The following DPP4 variants were observed in gnomAD, a reference collection of about 807,000 sequenced individuals.
DPP4 encodes dipeptidyl peptidase 4.
DPP4 carries 93 observed loss-of-function variants against 122.4 expected under a neutral mutation model. The observed-to-expected ratio is 0.76, with a 90% confidence interval of 0.64 to 0.90. DPP4 has a LOEUF of 0.90. DPP4 is among the 40% of genes least tolerant of loss of function. The probability of loss-of-function intolerance (pLI) is 0.00; values close to 1 mark genes in which losing one functional copy is unlikely to be tolerated. For synonymous variants in DPP4, 321 were observed against 302.9 expected (o/e 1.06, Z -0.62); for missense variants, 914 against 907.3 (o/e 1.01, Z -0.09).
chr2:162,053,789 C>T (rs1281144544), intron 2 of DPP4, among the ~76,000 whole-genome samples: 1 of 152,244 alleles, frequency 6.6e-6, no homozygotes, highest in Non-Finnish European at 1.5e-5. Context: ...GACATGGCTA[C>T]CTCCACCTAG....
Position 162,020,630 on chromosome 2 carries a change from C to A in DPP4, c.1127G>T (p.Ser376Ile). 6.2e-7 allele frequency: 1 copy of A among 1,612,752 alleles called. No homozygotes were observed. The highest frequency in any genetic ancestry group is 8.5e-7 in the Non-Finnish European group (1 of 1,179,686). ...LDGNSFYKIISNEEGYRHICY... is the reference protein window; with the variant it reads ...LDGNSFYKIIINEEGYRHICY... ...AATGTGTCTGTAACCTTCTTCATTG[C>A]TGATGATCTTGTAGAAGCTATTACC... is the stretch of plus-strand genomic sequence containing the variant. Residue 376 changes from serine (S) to isoleucine (I), a missense_variant, in exon 13 of 26, where the codon AGC (serine) becomes ATC (isoleucine). Transcript: ENST00000360534.
At chr2:161,995,637 A>AC (rs1700982072) in intron 23 of DPP4, among the ~76,000 whole-genome samples, 1 of 152,128 alleles carries the variant, frequency 6.6e-6, no homozygotes, top group African/African-American at 2.4e-5. Flanking sequence ...CTGCATGCAA[A>AC]ACCCCTTGAG....
intron 2 of DPP4, among the ~76,000 whole-genome samples, chr2:162,053,532 G>T (rs1197305148): frequency 6.6e-6 from 1 of 152,232 alleles, no homozygotes; most frequent in Admixed American, 6.5e-5. Context: ...TAGGCCACAG[G>T]TTGGACAAGC....
intron 22 of DPP4, among the ~76,000 whole-genome samples, chr2:162,007,012 A>C (rs777960043): frequency 6.6e-6 from 1 of 152,142 alleles, no homozygotes; most frequent in Non-Finnish European, 1.5e-5. Context: ...TAGTTGCTCC[A>C]TATGCATACT....
Position 161,996,320 on chromosome 2 carries a change from G to A in DPP4, c.2053-948C>T, listed in dbSNP as rs1211741929. On this transcript the variant is annotated intron_variant, in intron 23 of 25. Transcript: ENST00000360534. Reference sequence around the variant, plus strand: ...CTTTGATGGTCCTGTTATGTGTTGGGCAGGAAAGGGGCAGCAGCATCTCCA... The same window carrying A: ...CTTTGATGGTCCTGTTATGTGTTGGACAGGAAAGGGGCAGCAGCATCTCCA... 2.6e-5 allele frequency among the ~76,000 whole-genome samples: 4 copies of A among 152,212 alleles called. No homozygotes were observed. The East Asian group carries it at 7.7e-4, about 29-fold the overall frequency.
Position 162,046,689 on chromosome 2 carries a change from A to T in DPP4, c.285+226T>A, listed in dbSNP as rs553144948. 5.8e-5 allele frequency: 35 copies of T among 601,122 alleles called. 1 individual carries two copies. The highest frequency in any genetic ancestry group is 5.3e-4 in the African/African-American group (29 of 55,104). 37.2% of individuals were successfully genotyped at this position (601,122 alleles called of 1,614,324 possible). The stretch of plus-strand genomic sequence containing the variant: ...GGGAGGCAAATGAAGATGGAGCCCC[A>T]AGGAGCACTTACATTTAAAAATATG... On this transcript the variant is annotated intron_variant, in intron 4 of 25. Transcript: ENST00000360534.
In DPP4 at chr2:162,046,982, T is replaced by C. The variant is rs1684204742; in HGVS notation, c.218A>G (p.Glu73Gly). The C allele has an allele frequency of 6.3e-7, 1 of 1,595,430 alleles. No individual in the cohort carries two copies. The highest frequency in any genetic ancestry group is 8.6e-7 in the Non-Finnish European group (1 of 1,163,750). ...ISDHEYLYKQ[E>G]NNILVFNAEY... is the part of the protein sequence containing the mutation. Reference sequence around the variant, plus strand: ...AGCATTGAATACCAAGATATTATTTTCTTGTTTGTAGAGATATTCATGATC... The same window carrying C: ...AGCATTGAATACCAAGATATTATTTCCTTGTTTGTAGAGATATTCATGATC... The change falls in exon 4 of 26, where the codon GAA becomes GGA. Residue 73 changes from glutamate to glycine, a missense_variant. Transcript: ENST00000360534.
chr2:162,025,023 C>A (rs374172742), intron 10 of DPP4, 84 bp from the exon 11 acceptor site: 2 of 1,452,804 alleles, frequency 1.4e-6, no homozygotes. Context: ...ACATTTTACT[C>A]AGTGAAAAGA....
Position 162,011,894 on chromosome 2 carries a change from GCTAGCTA to G in DPP4, c.1724_1730del (p.Val575AlafsTer59). On this transcript the variant is annotated frameshift_variant, in exon 20 of 26. Coordinates refer to ENST00000360534, the MANE Select transcript of DPP4 (RefSeq NM_001935.4). LOFTEE classifies it high-confidence loss of function. ...GGTAACCACTTCCTCTGCCATCAAA[GCTAGCTA>G]CTATAATGTTTTCTGTGCTTGCAAG... The G allele has an allele frequency of 6.2e-7, 1 of 1,613,764 alleles. No homozygotes were observed. The highest frequency in any genetic ancestry group is 8.5e-7 in the Non-Finnish European group (1 of 1,179,780).
rs1685220749 is a variant in DPP4 at position 162,074,000 on chromosome 2, A to G, written c.-19T>C. 2.5e-6 allele frequency: 4 copies of G among 1,611,294 alleles called. No individual in the cohort carries two copies. Among genetic ancestry groups the G allele is most frequent in the Non-Finnish European group, 3.4e-6 (4 of 1,178,890 alleles). Reference sequence around the variant, plus strand: ...CCTTCATCGTCGGCGTCTCCTCGGAAGTGAGCGTTCAGAGAAGGAGCGCAG... The same window carrying G: ...CCTTCATCGTCGGCGTCTCCTCGGAGGTGAGCGTTCAGAGAAGGAGCGCAG... On this transcript the variant is annotated 5_prime_UTR_variant, in exon 1 of 26. Transcript: ENST00000360534.
At chr2:162,045,764 G>A in intron 4 of DPP4, 152 bp from the exon 5 acceptor site, 1 of 600,182 alleles carries the variant, frequency 1.7e-6, no homozygotes, top group Non-Finnish European at 3.0e-6. Flanking sequence ...CCACACAAAT[G>A]ACCGTGATGC....
At chr2:162,072,447 G>A (rs975036560) in intron 2 of DPP4, among the ~76,000 whole-genome samples, 2 of 152,182 alleles carry the variant, frequency 1.3e-5, no homozygotes, top group Non-Finnish European at 2.9e-5. Context: ...GAATTGCACA[G>A]CAAGCATGGT....
At chr2:162,052,068 C>A (rs78817705) in intron 2 of DPP4, among the ~76,000 whole-genome samples, 5,877 of 151,960 alleles carry the variant, frequency 0.039, 254 homozygotes, top group African/African-American at 0.1. Context: ...ACCCGTAATC[C>A]TAGCACTTGG....
intron 9 of DPP4, among the ~76,000 whole-genome samples, chr2:162,034,494 A>G (rs1425900850): frequency 6.6e-6 from 1 of 152,172 alleles, no homozygotes; most frequent in Admixed American, 6.5e-5. Flanking sequence ...CTTACAGAAA[A>G]AACACTTTAC....
chr2:162,046,732 C>G, intron 4 of DPP4, 183 bp downstream of exon 4: 1 of 658,046 alleles, frequency 1.5e-6, no homozygotes, highest in Non-Finnish European at 2.8e-6. Flanking sequence ...GAAGAGGAAT[C>G]GTCAAAGGAG....
chr2:161,994,133 G>A (rs918341470), intron 25 of DPP4, among the ~76,000 whole-genome samples: 1 of 152,114 alleles, frequency 6.6e-6, no homozygotes, highest in African/African-American at 2.4e-5. Flanking sequence ...TTTAAAAAAA[G>A]CTTAATTAAA....
chr2:162,073,141 C>T, intron 2 of DPP4: 2 of 349,302 alleles, frequency 5.7e-6, no homozygotes, highest in Non-Finnish European at 1.0e-5. Context: ...CCGACTCTCC[C>T]TAATTTCAGG....
At chr2:162,052,126 C>G (rs1559722961) in intron 2 of DPP4, among the ~76,000 whole-genome samples, 1 of 151,932 alleles carries the variant, frequency 6.6e-6, no homozygotes, top group Non-Finnish European at 1.5e-5. Context: ...CGAGACCAGA[C>G]TGACCAACAT....
chr2:162,046,692 G>A (rs1292530498), intron 4 of DPP4: 1 of 605,708 alleles, frequency 1.7e-6, no homozygotes, highest in South Asian at 1.5e-5. Context: ...GAGCCCCAAG[G>A]AGCACTTACA....
Sources: allele counts gnomAD v4.1 joint callset (sites outside exome capture counted in the v4.1 genomes callset), GRCh38; gene constraint gnomAD v4.1.1; transcripts MANE v1.5; gene names NCBI Gene and HGNC (gene_info 2026-07-23, HGNC 2026-07-21).